Variants in CPAP observed in about 807,000 individuals in gnomAD.
CPAP encodes centrosomal P4.1-associated protein.
At chr13:24,924,290 T>C in the CPAP span, among the ~76,000 whole-genome samples, 1 of 83,712 alleles carries the variant, frequency 1.2e-5, no homozygotes, top group Admixed American at 1.5e-4. Context: ...AGTCTCATCA[T>C]TCTTCCTAAA....
chr13:24,900,642 C>CA, the CPAP span, among the ~76,000 whole-genome samples: 1,289 of 150,932 alleles, frequency 8.5e-3, 21 homozygotes, highest in African/African-American at 0.029. Flanking sequence ...AACTCCATCT[C>CA]AAAAAAAAAG....
the CPAP span, chr13:24,889,119 C>G: frequency 1.7e-6 from 1 of 587,178 alleles, no homozygotes; most frequent in South Asian, 2.0e-5. Flanking sequence ...AATTTAAAAC[C>G]GAAGCATGGA....
At chr13:24,914,041 G>GAC in the CPAP span, among the ~76,000 whole-genome samples, 125 of 151,756 alleles carry the variant, frequency 8.2e-4, no homozygotes, top group East Asian at 2.5e-3. Context: ...TAGTGGGGAA[G>GAC]ACACACACAC....
chr13:24,912,319 G>A, the CPAP span, among the ~76,000 whole-genome samples: 2 of 152,114 alleles, frequency 1.3e-5, no homozygotes, highest in East Asian at 3.9e-4. Flanking sequence ...AATAGGATGG[G>A]CATCAGTACA....
the CPAP span, among the ~76,000 whole-genome samples, chr13:24,900,130 G>T: frequency 7.3e-4 from 110 of 151,658 alleles, no homozygotes; most frequent in Non-Finnish European, 9.6e-4. Context: ...GTATGTGAGG[G>T]CTTATCTTGC....
At chr13:24,925,071 C>G in the CPAP span, among the ~76,000 whole-genome samples, 12 of 152,288 alleles carry the variant, frequency 7.9e-5, no homozygotes, top group East Asian at 1.9e-3. Flanking sequence ...CTCTGTGGGT[C>G]TTGTCAAATG....
the CPAP span, chr13:24,883,124 A>AT: frequency 5.5e-6 from 8 of 1,446,306 alleles, no homozygotes; most frequent in East Asian, 4.5e-5. Context: ...GTAAATGTAC[A>AT]TTTTTTAACA....
chr13:24,921,063 T>C, the CPAP span, among the ~76,000 whole-genome samples: 16 of 152,300 alleles, frequency 1.1e-4, no homozygotes, highest in East Asian at 2.3e-3. Flanking sequence ...GTCATTCTTA[T>C]AGCCAACTAA....
chr13:24,889,876 A>G, the CPAP span, among the ~76,000 whole-genome samples: 387 of 151,666 alleles, frequency 2.6e-3, 6 homozygotes, highest in East Asian at 0.033. Context: ...TCAAGCCCCA[A>G]TACTACTTGC....
chr13:24,910,192 G>A, the CPAP span: 5 of 1,014,840 alleles, frequency 4.9e-6, no homozygotes, highest in Non-Finnish European at 7.6e-6. Flanking sequence ...AGTGACAACA[G>A]TATTTTTTCC....
At chr13:24,899,550 T>C in the CPAP span, 1 of 1,614,014 alleles carries the variant, frequency 6.2e-7, no homozygotes, top group Non-Finnish European at 8.5e-7. Flanking sequence ...GCTAATTCTT[T>C]TGCTTTCTGT....
At chr13:24,910,194 A>C in the CPAP span, 1 of 999,762 alleles carries the variant, frequency 1.0e-6, no homozygotes, top group South Asian at 1.3e-5. Context: ...TGACAACAGT[A>C]TTTTTTCCCT....
At chr13:24,883,232 C>T in the CPAP span, 1 of 1,614,094 alleles carries the variant, frequency 6.2e-7, no homozygotes, top group Non-Finnish European at 8.5e-7. Flanking sequence ...TCTTATCCGA[C>T]CGGATCTGTA....
chr13:24,890,206 T>C, the CPAP span, among the ~76,000 whole-genome samples: 1 of 152,212 alleles, frequency 6.6e-6, no homozygotes, highest in South Asian at 2.1e-4. Context: ...CAGTGAAACA[T>C]AGACATAACT....
At chr13:24,885,703 A>G in the CPAP span, 2 of 1,501,042 alleles carry the variant, frequency 1.3e-6, no homozygotes, top group South Asian at 2.3e-5. Flanking sequence ...AGTTAGATTT[A>G]ATATTTAATT....
the CPAP span, among the ~76,000 whole-genome samples, chr13:24,900,083 T>A: frequency 2.6e-5 from 4 of 151,380 alleles, no homozygotes; most frequent in Admixed American, 6.6e-5. Context: ...AAGGAAGAAG[T>A]TTAGAAAATA....
chr13:24,903,787 C>G, the CPAP span: 2 of 998,556 alleles, frequency 2.0e-6, no homozygotes, highest in Non-Finnish European at 3.1e-6. Flanking sequence ...GTAAAAAAAA[C>G]TTATATGATA....
the CPAP span, among the ~76,000 whole-genome samples, chr13:24,886,878 C>T: frequency 1.3e-5 from 2 of 152,176 alleles, no homozygotes; most frequent in African/African-American, 4.8e-5. Context: ...TTTAATTCTT[C>T]CCAGGCTGAT....
At chr13:24,912,886 G>A in the CPAP span, 1 of 1,614,180 alleles carries the variant, frequency 6.2e-7, no homozygotes, top group Non-Finnish European at 8.5e-7. Flanking sequence ...AATGTCCACA[G>A]CTGCTCGCTT....
Sources: allele counts gnomAD v4.1 joint callset (sites outside exome capture counted in the v4.1 genomes callset), GRCh38; gene constraint gnomAD v4.1.1; transcripts MANE v1.5; gene names NCBI Gene and HGNC (gene_info 2026-07-23, HGNC 2026-07-21).